The following TLL1 variants were observed in gnomAD, a reference collection of about 807,000 sequenced individuals.
TLL1 encodes tolloid like 1.
Under a neutral mutation model 128.2 loss-of-function variants are expected in TLL1, and 49 were observed. The observed-to-expected ratio is 0.38, with a 90% CI of 0.30 to 0.48. The LOEUF (loss-of-function observed/expected upper bound fraction) is 0.48. TLL1 is among the 20% of genes least tolerant of loss of function. The probability of loss-of-function intolerance (pLI) is 0.96; values close to 1 mark genes in which losing one functional copy is unlikely to be tolerated. For missense variants in TLL1, 1,123 were observed against 1,242.0 expected (o/e 0.90, Z 1.44); for synonymous variants, 454 against 418.8 (o/e 1.08, Z -1.03).
At chr4:166,061,993 G>A (rs1560844913) in intron 15 of TLL1, among the ~76,000 whole-genome samples, 2 of 152,014 alleles carry the variant, frequency 1.3e-5, no homozygotes, top group African/African-American at 2.4e-5. Flanking sequence ...CCCATTTCTT[G>A]TTTTTGTCAG....
At chr4:165,947,357 C>T (rs1175947310) in intron 1 of TLL1, among the ~76,000 whole-genome samples, 1 of 152,070 alleles carries the variant, frequency 6.6e-6, no homozygotes, top group African/African-American at 2.4e-5. Flanking sequence ...CAACGTATTA[C>T]TTTCCTTGGC....
intron 7 of TLL1, among the ~76,000 whole-genome samples, chr4:166,012,187 G>A (rs1737725367): frequency 6.6e-6 from 1 of 151,474 alleles, no homozygotes. Flanking sequence ...AATGTAGTTA[G>A]AACAAATCAA....
chr4:165,888,134 A>AT (rs1029174643), intron 1 of TLL1, among the ~76,000 whole-genome samples: 5 of 151,860 alleles, frequency 3.3e-5, no homozygotes, highest in South Asian at 4.2e-4. Context: ...TAATTTAATT[A>AT]TTTTTTTGCT....
intron 1 of TLL1, among the ~76,000 whole-genome samples, chr4:165,967,417 T>A (rs1012306249): frequency 6.6e-6 from 1 of 152,178 alleles, no homozygotes; most frequent in African/African-American, 2.4e-5. Context: ...CAAATGTCCA[T>A]GAAATCTTCA....
chr4:165,963,678 A>C (rs1488752026), intron 1 of TLL1, among the ~76,000 whole-genome samples: 1 of 152,186 alleles, frequency 6.6e-6, no homozygotes, highest in East Asian at 1.9e-4. Flanking sequence ...AATTGTCTAT[A>C]ATTTATCATA....
intron 11 of TLL1, among the ~76,000 whole-genome samples, chr4:166,043,000 T>A (rs1482235515): frequency 6.6e-6 from 1 of 152,164 alleles, no homozygotes; most frequent in Non-Finnish European, 1.5e-5. Context: ...ACAAAGCCAC[T>A]AAAGGTTTTT....
At chr4:166,021,313 G>A (rs1489171922) in intron 8 of TLL1, among the ~76,000 whole-genome samples, 4 of 152,012 alleles carry the variant, frequency 2.6e-5, no homozygotes, top group Admixed American at 2.0e-4. Context: ...TTTAGTGAAT[G>A]GTTGCCAGGG....
In TLL1 at chr4:166,037,267, G is replaced by A. The variant is rs571973815; in HGVS notation, c.1159-2072G>A. The stretch of plus-strand genomic sequence containing the variant: ...TATCCTGAATATAGTCTAATGTTGC[G>A]TTGGTATTTAGAGATGTAGGAGAAA... On this transcript the variant is annotated intron_variant, in intron 9 of 20. Coordinates refer to ENST00000061240, the MANE Select transcript of TLL1 (RefSeq NM_012464.5). Among the ~76,000 whole-genome samples, 16 of 152,248 alleles carry A rather than the reference G, an allele frequency of 1.1e-4. No homozygotes were observed. In the East Asian group the frequency reaches 1.4e-3, roughly 13 times the overall value.
At chr4:166,010,268 A>G (rs1330049219) in intron 7 of TLL1, among the ~76,000 whole-genome samples, 1 of 151,412 alleles carries the variant, frequency 6.6e-6, no homozygotes, top group East Asian at 1.9e-4. Flanking sequence ...TAATGCTAAT[A>G]TGAACATGGG....
intron 10 of TLL1, among the ~76,000 whole-genome samples, chr4:166,041,068 T>C (rs1353833891): frequency 7.2e-5 from 11 of 152,226 alleles, no homozygotes; most frequent in Admixed American, 7.2e-4. Flanking sequence ...GTAATTCATA[T>C]TTCTGGATAC....
chr4:165,973,773 C>G (rs1057273794), intron 1 of TLL1, among the ~76,000 whole-genome samples: 1 of 151,540 alleles, frequency 6.6e-6, no homozygotes, highest in African/African-American at 2.4e-5. Context: ...ACAAGTAATT[C>G]TCTTGTCTCA....
intron 1 of TLL1, among the ~76,000 whole-genome samples, chr4:165,947,267 T>C (rs779270527): frequency 4.1e-4 from 63 of 152,040 alleles, no homozygotes; most frequent in Non-Finnish European, 1.2e-4. Context: ...TCCTATCAAA[T>C]CAAGACCCCA....
intron 1 of TLL1, among the ~76,000 whole-genome samples, chr4:165,969,153 C>G (rs749724408): frequency 6.6e-6 from 1 of 152,010 alleles, no homozygotes; most frequent in Non-Finnish European, 1.5e-5. Context: ...AACCGTGGGA[C>G]GTTTTTCTTT....
chr4:165,925,134 C>G (rs1733210029), intron 1 of TLL1, among the ~76,000 whole-genome samples: 1 of 152,196 alleles, frequency 6.6e-6, no homozygotes, highest in African/African-American at 2.4e-5. Flanking sequence ...CATTCTATAT[C>G]TCACAGAGGA....
intron 1 of TLL1, among the ~76,000 whole-genome samples, chr4:165,962,778 A>T (rs1363093254): frequency 6.6e-6 from 1 of 152,088 alleles, no homozygotes; most frequent in Admixed American, 6.6e-5. Context: ...ATGCAGCTGG[A>T]GGCAATTATC....
Position 166,039,358 on chromosome 4 carries a change from C to T in TLL1, c.1178C>T (p.Thr393Met), listed in dbSNP as rs1739140052. The T allele has an allele frequency of 1.9e-6, 3 of 1,613,096 alleles. No individual in the cohort carries two copies. Among genetic ancestry groups the T allele is most frequent in the Non-Finnish European group, 1.7e-6 (2 of 1,179,370 alleles). ...TTGCAGATTGTTTTAAATTTTACAA[C>T]GATGGATCTATACAAGAGTAGTTTG... Reference protein sequence around the residue: ...PGEKIVLNFTTMDLYKSSLCW... With the variant: ...PGEKIVLNFTMMDLYKSSLCW... Residue 393 changes from threonine (T) to methionine (M), a missense_variant, in exon 10 of 21, where the codon ACG (threonine) becomes ATG (methionine). By Grantham distance (81) the Thr-to-Met change is moderately conservative. Around this residue, in one of 3 missense-constraint regions of TLL1, gnomAD observed 480 missense variants for 542.4 expected, o/e 0.89. Transcript: ENST00000061240.
intron 1 of TLL1, among the ~76,000 whole-genome samples, chr4:165,906,909 G>A (rs930824204): frequency 7.0e-6 from 1 of 142,194 alleles, no homozygotes; most frequent in South Asian, 2.4e-4. Flanking sequence ...CAAATTTTTA[G>A]TTTCATAACT....
At chr4:166,027,062 A>G (rs1738533251) in intron 9 of TLL1, among the ~76,000 whole-genome samples, 1 of 152,226 alleles carries the variant, frequency 6.6e-6, no homozygotes, top group Non-Finnish European at 1.5e-5. Context: ...GCAGCCGTAA[A>G]AAAGAATGAA....
intron 16 of TLL1, among the ~76,000 whole-genome samples, chr4:166,068,098 G>T (rs1053651720): frequency 6.6e-5 from 10 of 151,874 alleles, no homozygotes; most frequent in African/African-American, 2.4e-4. Flanking sequence ...TCATTGAAAA[G>T]TCTTGGCTGT....
Sources: gnomAD v4.1 joint callset for allele counts (sites outside exome capture counted in the v4.1 genomes callset) on GRCh38, gnomAD v4.1.1 for gene constraint, gnomAD v4.1.1 regional missense constraint, MANE v1.5 for transcripts, NCBI Gene and HGNC (gene_info 2026-07-23, HGNC 2026-07-21) for gene names.